Variants in ZBTB40 observed in about 807,000 individuals in gnomAD.
The protein encoded by ZBTB40 is zinc finger and BTB domain containing 40.
Under a neutral mutation model 117.5 loss-of-function variants are expected in ZBTB40, and 60 were observed. The observed-to-expected ratio is 0.51, with a 90% CI of 0.41 to 0.63. ZBTB40 has a LOEUF of 0.63. Among genes scored for constraint, ZBTB40 ranks in the 30% least tolerant of loss-of-function variants. The probability of loss-of-function intolerance (pLI) is 0.00; values close to 1 mark genes in which losing one functional copy is unlikely to be tolerated. For missense variants in ZBTB40, 1,287 were observed against 1,498.5 expected (o/e 0.86, Z 2.33); for synonymous variants, 525 against 577.1 (o/e 0.91, Z 1.29).
intron 1 of ZBTB40, 115 bp downstream of exon 1, chr1:22,452,119 G>T (rs1456340044): frequency 6.6e-6 from 1 of 152,420 alleles, no homozygotes; most frequent in Admixed American, 6.5e-5. Context: ...AACTCCGCGG[G>T]ACTCGGCCGA....
chr1:22,434,109 C>T (rs1369177464), intron 1 of ZBTB40, among the ~76,000 whole-genome samples: 2 of 152,182 alleles, frequency 1.3e-5, no homozygotes, highest in African/African-American at 2.4e-5. Context: ...TTTACCATCA[C>T]ATTGTCAGAC....
chr1:22,499,087 C>G (rs963724709), intron 3 of ZBTB40, among the ~76,000 whole-genome samples: 1 of 152,226 alleles, frequency 6.6e-6, no homozygotes, highest in African/African-American at 2.4e-5. Flanking sequence ...AAGGTGTCAG[C>G]CAGGGCTACA....
intron 1 of ZBTB40, among the ~76,000 whole-genome samples, chr1:22,437,308 T>C (rs1640681671): frequency 6.6e-6 from 1 of 152,078 alleles, no homozygotes; most frequent in African/African-American, 2.4e-5. Flanking sequence ...AGAGGCTCAT[T>C]GTGGACAAGT....
At position 22,517,259 on chromosome 1, in the gene ZBTB40, A is replaced by T. The variant is rs375088619; in HGVS notation, c.2669-41A>T. ...GATTTTGTTTGTAGCAATGCCATAA[A>T]TTTTTAGTGCTGACTCTAATAAGCT... On this transcript the variant is annotated intron_variant, in intron 12 of 17. Coordinates refer to ENST00000375647, the MANE Select transcript of ZBTB40 (RefSeq NM_014870.4). 6.9e-4 allele frequency: 1,119 copies of T among 1,612,182 alleles called. 9 individuals carry two copies. The highest frequency in any genetic ancestry group is 6.8e-3 in the South Asian group (621 of 91,070).
intron 3 of ZBTB40, among the ~76,000 whole-genome samples, chr1:22,496,237 A>T (rs1638770555): frequency 6.6e-6 from 1 of 152,142 alleles, no homozygotes; most frequent in Admixed American, 6.5e-5. Flanking sequence ...GTGGCTTGCA[A>T]CTCAGTGACA....
intron 14 of ZBTB40, among the ~76,000 whole-genome samples, chr1:22,520,579 T>C (rs1639495808): frequency 1.3e-5 from 2 of 152,210 alleles, no homozygotes; most frequent in African/African-American, 4.8e-5. Flanking sequence ...TAGAACCCAT[T>C]GCTCCCATGT....
intron 3 of ZBTB40, among the ~76,000 whole-genome samples, chr1:22,494,998 T>G (rs1227421572): frequency 6.6e-6 from 1 of 152,338 alleles, no homozygotes; most frequent in African/African-American, 2.4e-5. Flanking sequence ...GTTTATACAT[T>G]TTTAGCTCCC....
intron 3 of ZBTB40, among the ~76,000 whole-genome samples, chr1:22,499,978 ACT>A (rs146924594): frequency 0.01 from 1,560 of 152,312 alleles, 27 homozygotes; most frequent in African/African-American, 0.035. Flanking sequence ...CTCTCTAAAG[ACT>A]CTGGTGAGAA....
In ZBTB40 at chr1:22,524,226, C is replaced by A. The variant is rs1181569984; in HGVS notation, c.3307C>A (p.Pro1103Thr). The A allele has an allele frequency of 6.2e-7, 1 of 1,614,208 alleles. No homozygotes were observed. The highest frequency in any genetic ancestry group is 2.2e-5 in the East Asian group (1 of 44,894). The change falls in exon 17 of 18, where the codon CCA (proline) becomes ACA (threonine). Residue 1103 changes from proline to threonine, a missense_variant. Coordinates refer to ENST00000375647, the MANE Select transcript of ZBTB40 (RefSeq NM_014870.4). ...GTCTCCCTCTCCTCCAGGGTCCCAG[C>A]CATTCCGGTGCTTGTACTGTGCTGC... ...HVKCQHSGSQPFRCLYCAATF... is the reference protein window; with the variant it reads ...HVKCQHSGSQTFRCLYCAATF...
chr1:22,468,460 GTTTCCTTTTTTT>G (rs1227941183), intron 1 of ZBTB40, among the ~76,000 whole-genome samples: 3 of 88,776 alleles, frequency 3.4e-5, no homozygotes, highest in African/African-American at 1.2e-4. Context: ...AAATGTTAAT[GTTTCCTTTTTTT>G]TTTTTTTTTT....
intron 1 of ZBTB40, among the ~76,000 whole-genome samples, chr1:22,469,544 T>G: frequency 6.6e-6 from 1 of 152,126 alleles, no homozygotes; most frequent in Non-Finnish European, 1.5e-5. Context: ...GATAGGGTTT[T>G]TTTGTTTTTT....
intron 1 of ZBTB40, among the ~76,000 whole-genome samples, chr1:22,457,940 G>A (rs1163022701): frequency 6.6e-6 from 1 of 152,180 alleles, no homozygotes; most frequent in African/African-American, 2.4e-5. Flanking sequence ...GGCATTGGCA[G>A]CAGTGAATTT....
Position 22,526,920 on chromosome 1 carries a change from C to T in ZBTB40, c.*524C>T, listed in dbSNP as rs548462940. 2.6e-5 allele frequency: 6 copies of T among 233,230 alleles called. No individual in the cohort carries two copies. The highest frequency in any genetic ancestry group is 1.6e-3 in the Middle Eastern group (1 of 608). The allele number at this position is 233,230 out of a possible 1,614,324, so 14.4% of individuals were successfully genotyped here. On this transcript the variant is annotated 3_prime_UTR_variant, in exon 18 of 18. Coordinates refer to ENST00000375647, the MANE Select transcript of ZBTB40 (RefSeq NM_014870.4). ...CCTGAGGCACACTTGGCCCCTTCCT[C>T]GGTCCTATCATCCTACCCTCTGCTG...
chr1:22,471,495 C>T lies in ZBTB40; in HGVS notation c.-69-18385C>T, dbSNP rs553943707. Among the ~76,000 whole-genome samples the T allele has an allele frequency of 2.6e-5, 4 of 152,308 alleles. No homozygotes were observed. The South Asian group carries it at 8.3e-4, about 32-fold the overall frequency. ...TATAACCTTGCTTGACATTAGTTTCCTCATCTATAAAATAGGGATATAATG... is the reference window on the plus strand; with the variant it reads ...TATAACCTTGCTTGACATTAGTTTCTTCATCTATAAAATAGGGATATAATG... On this transcript the variant is annotated intron_variant, in intron 1 of 17. Transcript: ENST00000375647.
chr1:22,513,239 A>T lies in ZBTB40; in HGVS notation c.2668+109A>T. On this transcript the variant is annotated intron_variant, in intron 12 of 17. Coordinates refer to ENST00000375647, the MANE Select transcript of ZBTB40 (RefSeq NM_014870.4). This position sits in a 1 kb window ranked among gnomAD's most constrained non-coding sequence, Gnocchi z 4.9. ...CTCAAAAACAAAACAATTTGATAGC[A>T]CAACAGGGTGACTAAAGTCAATAAT... 2 of 1,203,688 alleles carry T rather than the reference A, an allele frequency of 1.7e-6. No individual in the cohort carries two copies. The highest frequency in any genetic ancestry group is 2.6e-5 in the South Asian group (2 of 76,546). The allele number at this position is 1,203,688 out of a possible 1,614,324, so 74.6% of individuals were successfully genotyped here. A position where few individuals can be genotyped will look rare whatever the true frequency, so the allele number is the denominator to read the frequency against.
At position 22,520,419 on chromosome 1, in the gene ZBTB40, G is replaced by C. The variant is rs114589746; in HGVS notation, c.3048+144G>C. 1.6e-3 allele frequency: 1,164 copies of C among 749,972 alleles called. 6 individuals carry two copies. In the African/African-American group the frequency reaches 0.017, roughly 11 times the overall value. The allele number at this position is 749,972 out of a possible 1,614,324, so 46.5% of individuals were successfully genotyped here. On this transcript the variant is annotated intron_variant, in intron 14 of 17. Coordinates refer to ENST00000375647, the MANE Select transcript of ZBTB40 (RefSeq NM_014870.4). Reference sequence around the variant, plus strand: ...TTGGCTGATTCTCATGAAGGATGCAGCTTGTGATCCAGATTCTCTAAGGAG... The same window carrying C: ...TTGGCTGATTCTCATGAAGGATGCACCTTGTGATCCAGATTCTCTAAGGAG...
chr1:22,490,077 T>C lies in ZBTB40; in HGVS notation c.129T>C (p.Ala43=). ...TCAGGGCTCACAAGCTTGTCCTGGC[T>C]GCTGCCAGCCTCCTGTTCAAAACCC... ...IYFRAHKLVL[A]AASLLFKTLL... is the part of the protein sequence containing the mutation. The change falls in exon 2 of 18, where the codon GCT becomes GCC. Residue 43 remains alanine, a synonymous_variant. Coordinates refer to ENST00000375647, the MANE Select transcript of ZBTB40 (RefSeq NM_014870.4). The C allele has an allele frequency of 6.2e-7, 1 of 1,614,224 alleles. No individual in the cohort carries two copies. The highest frequency in any genetic ancestry group is 1.1e-5 in the South Asian group (1 of 91,082).
intron 1 of ZBTB40, among the ~76,000 whole-genome samples, chr1:22,487,610 T>G (rs1303446630): frequency 6.6e-6 from 1 of 151,990 alleles, no homozygotes; most frequent in Non-Finnish European, 1.5e-5. Flanking sequence ...CTTTGCAATG[T>G]TTTTTTGGCT....
intron 9 of ZBTB40, among the ~76,000 whole-genome samples, chr1:22,509,439 C>T (rs751257402): frequency 7.2e-5 from 11 of 152,160 alleles, no homozygotes; most frequent in East Asian, 1.9e-4. Context: ...CTCTGCCTTC[C>T]GGGTTCAAGC....
Sources: allele counts gnomAD v4.1 joint callset (sites outside exome capture counted in the v4.1 genomes callset), GRCh38; gene constraint gnomAD v4.1.1; non-coding constraint Gnocchi (gnomAD v3.1); transcripts MANE v1.5; gene names NCBI Gene and HGNC (gene_info 2026-07-23, HGNC 2026-07-21).